Variants in FRMD4A observed in about 807,000 individuals in gnomAD.
FRMD4A encodes FERM domain-containing protein 4A.
A neutral mutation model predicts 129.1 loss-of-function variants in FRMD4A; 29 were observed. That is an observed-to-expected ratio of 0.22 (90% CI 0.17 to 0.31). FRMD4A has a LOEUF of 0.31. Ranked by LOEUF, FRMD4A falls within the 10% of genes least tolerant of loss-of-function variation. The pLI is 1.00. For synonymous variants in FRMD4A, 634 were observed against 571.6 expected, an observed-to-expected ratio of 1.11 and a Z score of -1.56; for missense variants, 1,272 against 1,375.8, an observed-to-expected ratio of 0.92 and a Z score of 1.19.
At chr10:14,009,268 A>G (rs1193074011) in intron 2 of FRMD4A, among the ~76,000 whole-genome samples, 1 of 152,172 alleles carries the variant, frequency 6.6e-6, no homozygotes, top group Non-Finnish European at 1.5e-5. Context: ...AATTACTACA[A>G]AGAAAATCAA....
chr10:13,827,343 A>G (rs2093717528), intron 3 of FRMD4A, among the ~76,000 whole-genome samples: 1 of 152,202 alleles, frequency 6.6e-6, no homozygotes. Context: ...GCACACAAGC[A>G]CGATCTGCGC....
chr10:14,181,547 G>C (rs1230017336), intron 2 of FRMD4A, among the ~76,000 whole-genome samples: 4 of 152,090 alleles, frequency 2.6e-5, no homozygotes, highest in Non-Finnish European at 4.4e-5. Context: ...CGCTTTTGTT[G>C]GGTTATTTCC....
intron 2 of FRMD4A, among the ~76,000 whole-genome samples, chr10:14,315,085 T>C (rs1013599388): frequency 1.3e-4 from 20 of 152,322 alleles, no homozygotes; most frequent in African/African-American, 4.6e-4. Context: ...GTTACCTTTC[T>C]GACTGTTCCT....
intron 6 of FRMD4A, among the ~76,000 whole-genome samples, chr10:13,767,433 T>G (rs2092321217): frequency 6.6e-6 from 1 of 152,146 alleles, no homozygotes; most frequent in African/African-American, 2.4e-5. Flanking sequence ...GAAGCAGGGT[T>G]TCACCATGTT....
chr10:13,897,812 C>A (rs772653869), intron 2 of FRMD4A, among the ~76,000 whole-genome samples: 1 of 151,712 alleles, frequency 6.6e-6, no homozygotes, highest in Non-Finnish European at 1.5e-5. Flanking sequence ...GTTGCAGCTG[C>A]CTGTGATCCC....
chr10:13,894,796 GTTTA>G (rs1185992551), intron 2 of FRMD4A, among the ~76,000 whole-genome samples: 1 of 152,174 alleles, frequency 6.6e-6, no homozygotes, highest in Non-Finnish European at 1.5e-5. Context: ...TCACCATCCT[GTTTA>G]TTTTTTTCTT....
intron 2 of FRMD4A, among the ~76,000 whole-genome samples, chr10:14,259,993 C>A (rs1286289814): frequency 6.7e-6 from 1 of 148,684 alleles, no homozygotes; most frequent in Non-Finnish European, 1.5e-5. Flanking sequence ...CTCTAAGGAT[C>A]TCTGTGTCAT....
chr10:14,056,287 C>T (rs1018885963), intron 2 of FRMD4A, among the ~76,000 whole-genome samples: 1 of 152,146 alleles, frequency 6.6e-6, no homozygotes, highest in African/African-American at 2.4e-5. Flanking sequence ...CCGCCTCAGC[C>T]TCCTAAAGTG....
At chr10:14,085,206 T>C (rs1386935080) in intron 2 of FRMD4A, among the ~76,000 whole-genome samples, 2 of 152,152 alleles carry the variant, frequency 1.3e-5, no homozygotes, top group East Asian at 3.9e-4. Context: ...TGGTTATGTC[T>C]AGGGATGTTT....
At chr10:14,166,411 A>C (rs1589113574) in intron 2 of FRMD4A, among the ~76,000 whole-genome samples, 1 of 152,222 alleles carries the variant, frequency 6.6e-6, no homozygotes, top group African/African-American at 2.4e-5. Context: ...GTGGAGATAC[A>C]CTGGAAGTAA....
chr10:13,802,935 G>T (rs1474192922), intron 4 of FRMD4A, among the ~76,000 whole-genome samples: 1 of 152,150 alleles, frequency 6.6e-6, no homozygotes, highest in East Asian at 1.9e-4. Context: ...ATTACCTGAA[G>T]CCAGGAGTTC....
chr10:13,991,420 T>G (rs1255680896), intron 2 of FRMD4A, among the ~76,000 whole-genome samples: 4 of 152,106 alleles, frequency 2.6e-5, no homozygotes, highest in Admixed American at 2.6e-4. Flanking sequence ...CCTGCTTTCC[T>G]CCAACGGGAC....
rs753333519 is a variant in FRMD4A, at chr10:13,694,046, T to G, written c.976-7A>C. 3 of 1,504,550 alleles carry G rather than the reference T, an allele frequency of 2.0e-6. No homozygotes were observed. The South Asian group carries it at 4.1e-5, about 20-fold the overall frequency. The allele number at this position is 1,504,550 out of a possible 1,614,324, so 93.2% of individuals were successfully genotyped here. A position where few individuals can be genotyped will look rare whatever the true frequency, so the allele number is the denominator to read the frequency against. On this transcript the variant is annotated splice_polypyrimidine_tract_variant and splice_region_variant and intron_variant, in intron 14 of 24. Coordinates refer to ENST00000357447, the MANE Select transcript of FRMD4A (RefSeq NM_018027.5). Reference sequence around the variant, plus strand: ...GTGCTGCATGGATTTTGGACTGGAATGGAAAGGGAAGCAGGTCAAAGAAGT... The same window carrying G: ...GTGCTGCATGGATTTTGGACTGGAAGGGAAAGGGAAGCAGGTCAAAGAAGT...
intron 2 of FRMD4A, among the ~76,000 whole-genome samples, chr10:13,910,995 G>C (rs2094935657): frequency 6.7e-6 from 1 of 148,930 alleles, no homozygotes. Context: ...TCTGAAATTT[G>C]ACTTCAAAAT....
At chr10:14,299,443 G>A (rs958570364) in intron 2 of FRMD4A, among the ~76,000 whole-genome samples, 1 of 152,124 alleles carries the variant, frequency 6.6e-6, no homozygotes, top group African/African-American at 2.4e-5. Flanking sequence ...GCTATAGCCT[G>A]GTACTTCACT....
At chr10:13,795,827 A>G (rs2093104789) in intron 5 of FRMD4A, among the ~76,000 whole-genome samples, 2 of 152,126 alleles carry the variant, frequency 1.3e-5, no homozygotes, top group Non-Finnish European at 1.5e-5. Context: ...GCTTCTCACA[A>G]CCTTTTGCAA....
chr10:13,686,787 C>A (rs2085126143), intron 15 of FRMD4A, among the ~76,000 whole-genome samples: 1 of 152,186 alleles, frequency 6.6e-6, no homozygotes, highest in Admixed American at 6.5e-5. Flanking sequence ...TCGTTTATGG[C>A]CCTAGACTTC....
chr10:14,236,932 G>A (rs184155585), intron 2 of FRMD4A, among the ~76,000 whole-genome samples: 45 of 124,252 alleles, frequency 3.6e-4, no homozygotes, highest in African/African-American at 1.3e-3. Flanking sequence ...TATTTTAAGA[G>A]TTTATGTGAG....
At chr10:13,896,502 C>G (rs2094759979) in intron 2 of FRMD4A, among the ~76,000 whole-genome samples, 1 of 152,000 alleles carries the variant, frequency 6.6e-6, no homozygotes, top group Non-Finnish European at 1.5e-5. Flanking sequence ...GGGAACATCA[C>G]ACACCAGGGC....
Sources: gnomAD v4.1 joint callset for allele counts (sites outside exome capture counted in the v4.1 genomes callset) on GRCh38, gnomAD v4.1.1 for gene constraint, MANE v1.5 for transcripts, NCBI Gene and HGNC (gene_info 2026-07-23, HGNC 2026-07-21) for gene names.